PCDHA1: variants seen among roughly 807,000 people sequenced by gnomAD.
PCDHA1 encodes the protein protocadherin alpha-1.
A neutral mutation model predicts 61.3 loss-of-function variants in PCDHA1; 42 were observed. The observed-to-expected ratio is 0.69, with a 90% confidence interval of 0.54 to 0.89. The LOEUF is 0.89. PCDHA1 is among the 40% of genes least tolerant of loss of function. The pLI is 0.00. For synonymous variants in PCDHA1, 610 were observed against 553.8 expected, an observed-to-expected ratio of 1.10 and a Z score of -1.43; for missense variants, 1,256 against 1,235.3, an observed-to-expected ratio of 1.02 and a Z score of -0.25.
At chr5:140,794,827 G>A (rs1326928860) in intron 1 of PCDHA1, 1 of 947,884 alleles carries the variant, frequency 1.1e-6, no homozygotes, top group Non-Finnish European at 1.6e-6. Context: ...TCTCTAGGAA[G>A]GAAAATACCC....
intron 1 of PCDHA1, among the ~76,000 whole-genome samples, chr5:140,826,640 G>A (rs1234155736): frequency 5.3e-5 from 8 of 152,114 alleles, no homozygotes; most frequent in African/African-American, 1.4e-4. Flanking sequence ...ACTTTTATAT[G>A]AAGGTAACAT....
At chr5:140,852,885 AT>A (rs2150523673) in intron 1 of PCDHA1, 17,743 of 732,756 alleles carry the variant, frequency 0.024, 6 homozygotes, top group Non-Finnish European at 0.027. Flanking sequence ...CATAAAACGT[AT>A]TTTTTTTTTT....
Position 140,801,632 on chromosome 5 carries a change from C to T in PCDHA1, c.2394+12948C>T, listed in dbSNP as rs1554121599. 2.5e-6 allele frequency: 4 copies of T among 1,614,034 alleles called. No homozygotes were observed. The South Asian group carries it at 4.4e-5, about 18-fold the overall frequency. ...TAAAGAATCTGTTTATTTCCGAATC[C>T]CGACAGCCTGGCTCTCGGTTTTCGC... On this transcript the variant is annotated intron_variant, in intron 1 of 3. Coordinates refer to ENST00000504120, the MANE Select transcript of PCDHA1 (RefSeq NM_018900.4).
chr5:140,928,642 G>A (rs2085397273), intron 1 of PCDHA1: 2 of 1,614,114 alleles, frequency 1.2e-6, no homozygotes, highest in Non-Finnish European at 8.5e-7. Flanking sequence ...CACAAAAGTG[G>A]TAGCAGAGGA....
intron 2 of PCDHA1, among the ~76,000 whole-genome samples, chr5:140,979,796 T>A (rs1322390860): frequency 3.3e-5 from 5 of 152,236 alleles, no homozygotes; most frequent in Non-Finnish European, 7.3e-5. Flanking sequence ...AAACAAATGA[T>A]CACAACTATC....
intron 1 of PCDHA1, among the ~76,000 whole-genome samples, chr5:140,924,207 T>C (rs2081717308): frequency 6.6e-6 from 1 of 152,198 alleles, no homozygotes. Flanking sequence ...AGAAATTTGG[T>C]GAAGAATAAG....
intron 1 of PCDHA1, among the ~76,000 whole-genome samples, chr5:140,827,478 A>G (rs1477917338): frequency 6.6e-6 from 1 of 152,232 alleles, no homozygotes; most frequent in Non-Finnish European, 1.5e-5. Context: ...TTATTGAACA[A>G]AGAAAGCATG....
intron 1 of PCDHA1, chr5:140,857,943 C>G: frequency 6.3e-7 from 1 of 1,597,460 alleles, no homozygotes. Context: ...GAGATCAGTA[C>G]GACGCGCGCT....
At chr5:140,835,616 C>T in intron 1 of PCDHA1, 1 of 1,613,886 alleles carries the variant, frequency 6.2e-7, no homozygotes, top group East Asian at 2.2e-5. Context: ...TGCTGGACAG[C>T]GCTCTGGACC....
intron 1 of PCDHA1, chr5:140,808,193 G>A: frequency 6.2e-7 from 1 of 1,614,238 alleles, no homozygotes; most frequent in Non-Finnish European, 8.5e-7. Context: ...CCATTGTAGA[G>A]TTATTGTGGA....
At chr5:140,917,281 T>A (rs1354421886) in intron 1 of PCDHA1, among the ~76,000 whole-genome samples, 1 of 151,298 alleles carries the variant, frequency 6.6e-6, no homozygotes, top group Admixed American at 6.6e-5. Context: ...GTAATGACGC[T>A]TTTCCGTGTG....
Position 140,787,077 on chromosome 5 carries a change from A to G in PCDHA1, c.787A>G (p.Thr263Ala). The change falls in exon 1 of 4, where the codon ACA becomes GCA. Residue 263 changes from threonine (T) to alanine (A), a missense_variant. Transcript: ENST00000504120. ...TACAGCAAATGGAACATTAGTGACC[A>G]CATTAAATGCCTCTGATGCTGACGA... ...ETTANGTLVT[T>A]LNASDADEGV... is the part of the protein sequence containing the mutation. The G allele has an allele frequency of 1.2e-6, 2 of 1,614,200 alleles. No homozygotes were observed. The highest frequency in any genetic ancestry group is 1.7e-6 in the Non-Finnish European group (2 of 1,180,002).
At chr5:140,975,917 A>C (rs1287006605) in intron 1 of PCDHA1, among the ~76,000 whole-genome samples, 1 of 152,220 alleles carries the variant, frequency 6.6e-6, no homozygotes, top group Non-Finnish European at 1.5e-5. Context: ...TATTCTACCA[A>C]AAGACTAACC....
Position 140,960,269 on chromosome 5 carries a change from G to A in PCDHA1, c.2395-18680G>A, listed in dbSNP as rs148980300. On this transcript the variant is annotated intron_variant, in intron 1 of 3. Transcript: ENST00000504120. ...CTTCCTGGAGCTTCTGATAAATTCC[G>A]TCACCTTTTTGGGACCCAGTTTCTT... is the stretch of plus-strand genomic sequence containing the variant. Among the ~76,000 whole-genome samples, 355 of 152,162 alleles carry A rather than the reference G, an allele frequency of 2.3e-3. 1 individual carries two copies. The highest frequency in any genetic ancestry group is 7.0e-3 in the African/African-American group (290 of 41,548).
intron 1 of PCDHA1, among the ~76,000 whole-genome samples, chr5:140,977,637 T>C (rs1440093548): frequency 6.6e-6 from 1 of 152,228 alleles, no homozygotes; most frequent in Non-Finnish European, 1.5e-5. Flanking sequence ...TAACTTTTTC[T>C]GGGCCTTGAC....
chr5:140,951,551 A>C (rs246040), intron 1 of PCDHA1, among the ~76,000 whole-genome samples: 2 of 151,590 alleles, frequency 1.3e-5, no homozygotes, highest in African/African-American at 4.8e-5. Flanking sequence ...GACGGGGGGA[A>C]GTGCTACGCA....
At chr5:140,868,874 A>G (rs547590599) in intron 1 of PCDHA1, 25 of 646,974 alleles carry the variant, frequency 3.9e-5, no homozygotes, top group Middle Eastern at 8.7e-4. Flanking sequence ...AGTGCACAGT[A>G]CTCACAGTTT....
intron 1 of PCDHA1, among the ~76,000 whole-genome samples, chr5:140,894,202 A>G (rs1554185980): frequency 6.6e-6 from 1 of 152,034 alleles, no homozygotes. Context: ...TTTCTATGCT[A>G]TTATATTCTC....
rs201493367 is a variant in PCDHA1 at position 140,795,034 on chromosome 5, T to C, written c.2394+6350T>C. Reference sequence around the variant, plus strand: ...GCTCTCGCTTCTGCTCCTCGCAGCCTGGGAGGTGGGGAGCGGCCAGCTCCG... The same window carrying C: ...GCTCTCGCTTCTGCTCCTCGCAGCCCGGGAGGTGGGGAGCGGCCAGCTCCG... On this transcript the variant is annotated intron_variant, in intron 1 of 3. Coordinates refer to ENST00000504120, the MANE Select transcript of PCDHA1 (RefSeq NM_018900.4). 935 of 1,613,712 alleles carry C rather than the reference T, an allele frequency of 5.8e-4. 2 individuals are homozygous for C. Among genetic ancestry groups the C allele is most frequent in the Non-Finnish European group, 7.5e-4 (880 of 1,179,990 alleles).
Sources: allele counts gnomAD v4.1 joint callset (sites outside exome capture counted in the v4.1 genomes callset), GRCh38; gene constraint gnomAD v4.1.1; transcripts MANE v1.5; gene names NCBI Gene and HGNC (gene_info 2026-07-23, HGNC 2026-07-21).